SARDH: variants seen among roughly 807,000 people sequenced by gnomAD.
SARDH encodes sarcosine dehydrogenase, also known as sarcosine dehydrogenase, mitochondrial.
In SARDH, 95 loss-of-function variants were observed where a neutral mutation model predicts 109.1. The ratio of observed to expected loss-of-function variants is 0.87; its 90% CI spans 0.74 to 1.03. The LOEUF is 1.03. Among genes scored for constraint, SARDH ranks in the 50% least tolerant of loss-of-function variants. SARDH has a pLI of 0.00. For synonymous variants in SARDH, 572 were observed against 534.8 expected (o/e 1.07, Z -0.96); for missense variants, 1,267 against 1,287.8 (o/e 0.98, Z 0.25).
chr9:133,731,931 C>A (rs1832697411), intron 3 of SARDH, among the ~76,000 whole-genome samples: 1 of 152,218 alleles, frequency 6.6e-6, no homozygotes, highest in African/African-American at 2.4e-5. Context: ...CTGTTTCAGA[C>A]TGTCAGATAG....
intron 5 of SARDH, 85 bp downstream of exon 5, chr9:133,729,979 C>T: frequency 6.3e-7 from 1 of 1,593,398 alleles, no homozygotes; most frequent in Non-Finnish European, 8.6e-7. Context: ...CTCCCCACCC[C>T]AGAAAGAAGC....
chr9:133,670,059 A>T (rs553548437), intron 19 of SARDH, among the ~76,000 whole-genome samples: 4 of 152,258 alleles, frequency 2.6e-5, no homozygotes, highest in African/African-American at 7.2e-5. Flanking sequence ...GCATGTTGGG[A>T]TCCTCACGCT....
chr9:133,676,336 A>T (rs1282893800), intron 17 of SARDH, among the ~76,000 whole-genome samples: 5 of 152,212 alleles, frequency 3.3e-5, no homozygotes, highest in African/African-American at 1.2e-4. Flanking sequence ...CAAGAGCAGA[A>T]TGGAGGGCAC....
rs774654590 is a variant in SARDH at position 133,718,999 on chromosome 9, C to T, written c.959G>A (p.Arg320His). 1.3e-5 allele frequency: 21 copies of T among 1,614,028 alleles called. No individual in the cohort carries two copies. The East Asian group carries it at 2.5e-4, about 19-fold the overall frequency. The change falls in exon 7 of 21, where the codon CGC becomes CAC. Residue 320 changes from arginine (R) to histidine (H), a missense_variant. Transcript: ENST00000439388. The surrounding 1 kb of genome is among the most constrained non-coding windows in gnomAD (Gnocchi z 4.2). ...CACAGACAAGGCATCCCCTTGGAGG[C>T]GGAGGTAGACAGAGGCATCATGATC... ...VRDHDASVYL[R>H]LQGDALSVGG... is the part of the protein sequence containing the mutation.
intron 16 of SARDH, among the ~76,000 whole-genome samples, chr9:133,687,318 C>T (rs1034704767): frequency 3.3e-5 from 5 of 152,194 alleles, no homozygotes; most frequent in African/African-American, 4.8e-5. Flanking sequence ...TCTCCCAGGG[C>T]GGCTTGCAGT....
chr9:133,735,539 A>G (rs1485300852), intron 1 of SARDH, among the ~76,000 whole-genome samples: 1 of 152,178 alleles, frequency 6.6e-6, no homozygotes, highest in Non-Finnish European at 1.5e-5. Context: ...TGTCCTGGGG[A>G]CGCAGCAACC....
chr9:133,664,074 G>C (rs988674012), intron 20 of SARDH, 60 bp from the exon 21 acceptor site: 1 of 1,578,514 alleles, frequency 6.3e-7, no homozygotes, highest in Non-Finnish European at 8.6e-7. Flanking sequence ...GCTCACGTCT[G>C]CCTGCTTCTC....
At chr9:133,725,002 C>T (rs114296956) in intron 6 of SARDH, among the ~76,000 whole-genome samples, 1,596 of 152,216 alleles carry the variant, frequency 0.01, 24 homozygotes, top group African/African-American at 0.036. Context: ...AAATGTCCAC[C>T]AGTGGGTGAA....
intron 6 of SARDH, chr9:133,725,354 C>A: frequency 4.5e-6 from 1 of 222,450 alleles, no homozygotes. Flanking sequence ...AAAAGTTGGA[C>A]ACTACTTGCT....
chr9:133,671,708 A>T lies in SARDH; in HGVS notation c.2164-11T>A. On this transcript the variant is annotated splice_polypyrimidine_tract_variant and intron_variant, in intron 17 of 20. Transcript: ENST00000439388. ...CCGCATGGCTCGGACCTGGGGGACA[A>T]GGTCATGGCTTAGATGTGGCCATGT... 1 of 1,560,694 alleles carries T rather than the reference A, an allele frequency of 6.4e-7. No individual in the cohort carries two copies. Among genetic ancestry groups the T allele is most frequent in the Admixed American group, 1.9e-5 (1 of 52,416 alleles).
At chr9:133,698,580 T>C (rs1365970118) in intron 13 of SARDH, among the ~76,000 whole-genome samples, 1 of 152,202 alleles carries the variant, frequency 6.6e-6, no homozygotes, top group South Asian at 2.1e-4. Context: ...AGAATAGACC[T>C]ATAGATCAAC....
rs1491335172 is a variant in SARDH at position 133,722,640 on chromosome 9, G to GCTCTCT, written c.916-3599_916-3598insAGAGAG. Among the ~76,000 whole-genome samples the GCTCTCT allele has an allele frequency of 6.4e-4, 63 of 98,884 alleles. No homozygotes were observed. The Middle Eastern group carries it at 0.014, about 22-fold the overall frequency. The allele number at this position is 98,884 out of a possible 152,430, so 64.9% of individuals were successfully genotyped here. A position where few individuals can be genotyped will look rare whatever the true frequency, so the allele number is the denominator to read the frequency against. ...TAAGGAAACCACTAAAAAACTACTA[G>GCTCTCT]CGCTCTCTCTCTCTCTCTCTCTCTC... On this transcript the variant is annotated intron_variant, in intron 6 of 20. Coordinates refer to ENST00000439388, the MANE Select transcript of SARDH (RefSeq NM_001134707.2).
chr9:133,735,220 G>T (rs927999747), intron 1 of SARDH, among the ~76,000 whole-genome samples: 1 of 152,188 alleles, frequency 6.6e-6, no homozygotes, highest in Admixed American at 6.5e-5. Flanking sequence ...CCCAAAGCTC[G>T]GTGGGACTAA....
downstream of SARDH, among the ~76,000 whole-genome samples, chr9:133,661,356 C>A (rs1184426685): frequency 5.3e-5 from 8 of 150,826 alleles, no homozygotes; most frequent in African/African-American, 2.0e-4. Flanking sequence ...AAAACAACAA[C>A]AACAAAAAAA....
intron 1 of SARDH, among the ~76,000 whole-genome samples, chr9:133,734,885 G>A (rs1832830216): frequency 6.6e-6 from 1 of 152,234 alleles, no homozygotes; most frequent in South Asian, 2.1e-4. Context: ...GGGCCAAGCA[G>A]CCCTGCTGCC....
At position 133,671,685 on chromosome 9, in the gene SARDH, G is replaced by T; in HGVS notation, c.2176C>A (p.Arg726=). ...RAAGHLVRAM[R]LSFVGELGWE... ...CCCAGCTCCCCCACAAAGGACAGCCGCATGGCTCGGACCTGGGGGACAAGG... is the reference window on the plus strand; with the variant it reads ...CCCAGCTCCCCCACAAAGGACAGCCTCATGGCTCGGACCTGGGGGACAAGG... Residue 726 remains arginine (R), a synonymous_variant, in exon 18 of 21, where the codon CGG becomes AGG. Transcript: ENST00000439388. 1 of 1,575,270 alleles carries T rather than the reference G, an allele frequency of 6.3e-7. No individual in the cohort carries two copies. Among genetic ancestry groups the T allele is most frequent in the South Asian group, 1.2e-5 (1 of 86,168 alleles).
chr9:133,688,077 C>T (rs897704916), intron 16 of SARDH, among the ~76,000 whole-genome samples: 1 of 152,192 alleles, frequency 6.6e-6, no homozygotes, highest in Non-Finnish European at 1.5e-5. Flanking sequence ...CTAAAAATAT[C>T]CCCACTCCCT....
chr9:133,732,003 C>G (rs1310777041), intron 3 of SARDH, among the ~76,000 whole-genome samples: 1 of 152,172 alleles, frequency 6.6e-6, no homozygotes, highest in Non-Finnish European at 1.5e-5. Context: ...GCGTGGACCA[C>G]TGGGACAGGG....
At chr9:133,691,733 G>A (rs1831104365) in intron 15 of SARDH, among the ~76,000 whole-genome samples, 1 of 152,144 alleles carries the variant, frequency 6.6e-6, no homozygotes, top group South Asian at 2.1e-4. Flanking sequence ...GGTAGGTAGC[G>A]CACGTATTCA....
Sources: allele counts gnomAD v4.1 joint callset (sites outside exome capture counted in the v4.1 genomes callset), GRCh38; gene constraint gnomAD v4.1.1; non-coding constraint Gnocchi (gnomAD v3.1); transcripts MANE v1.5; gene names NCBI Gene and HGNC (gene_info 2026-07-23, HGNC 2026-07-21).